Variants in FEZ1 observed in about 807,000 individuals in gnomAD.
FEZ1 encodes the protein fasciculation and elongation protein zeta-1.
Under a neutral mutation model 49.3 loss-of-function variants are expected in FEZ1, and 20 were observed. The ratio of observed to expected loss-of-function variants is 0.41; its 90% confidence interval spans 0.29 to 0.59. The LOEUF (loss-of-function observed/expected upper bound fraction) is 0.59, where lower values mean the gene tolerates loss of function less well. Among genes scored for constraint, FEZ1 ranks in the 20% least tolerant of loss-of-function variants. FEZ1 has a pLI of 0.36. For missense variants in FEZ1, 413 were observed against 476.0 expected, an observed-to-expected ratio of 0.87 and a Z score of 1.23; for synonymous variants, 170 against 180.9, an observed-to-expected ratio of 0.94 and a Z score of 0.48.
chr11:125,465,583 A>G (rs181651337), intron 3 of FEZ1, among the ~76,000 whole-genome samples: 1 of 152,210 alleles, frequency 6.6e-6, no homozygotes, highest in Admixed American at 6.5e-5. Context: ...GTGAGTTCCT[A>G]CTCTTATGGG....
At chr11:125,456,150 C>T in intron 5 of FEZ1, 44 bp from the exon 6 acceptor site, 10 of 1,526,320 alleles carry the variant, frequency 6.6e-6, no homozygotes, top group Non-Finnish European at 8.8e-6. Context: ...GCATCCACAC[C>T]AGAGCCCGCT....
chr11:125,463,493 T>C lies in FEZ1; in HGVS notation c.489A>G (p.Thr163=). 1 of 1,595,104 alleles carries C rather than the reference T, an allele frequency of 6.3e-7. No homozygotes were observed. The highest frequency in any genetic ancestry group is 8.6e-7 in the Non-Finnish European group (1 of 1,162,746). ...GGAGAGATACTTATACCTGATCTGCTGTGAGCAGAGGCTCCTCGTTGATAC... is the reference window on the plus strand; with the variant it reads ...GGAGAGATACTTATACCTGATCTGCCGTGAGCAGAGGCTCCTCGTTGATAC... ...DSGINEEPLL[T]ADQVIEEIEE... is the part of the protein sequence containing the mutation. The change falls in exon 4 of 10, where the codon ACA becomes ACG. Residue 163 remains threonine, a synonymous_variant. Transcript: ENST00000278919.
chr11:125,461,097 A>G (rs1957070001), intron 4 of FEZ1, among the ~76,000 whole-genome samples: 1 of 152,220 alleles, frequency 6.6e-6, no homozygotes, highest in Non-Finnish European at 1.5e-5. Context: ...AGAACAACAC[A>G]AAATGGGGAG....
chr11:125,470,076 C>T (rs1336403218), intron 3 of FEZ1, among the ~76,000 whole-genome samples: 3 of 151,906 alleles, frequency 2.0e-5, no homozygotes, highest in African/African-American at 4.8e-5. Flanking sequence ...TGAGAATAGC[C>T]CCCAACATGA....
chr11:125,464,997 C>T (rs1281700536), intron 3 of FEZ1, among the ~76,000 whole-genome samples: 1 of 152,158 alleles, frequency 6.6e-6, no homozygotes, highest in African/African-American at 2.4e-5. Context: ...TTTCTTCAGG[C>T]CAGAAAATCC....
At chr11:125,467,500 T>C (rs1160054772) in intron 3 of FEZ1, among the ~76,000 whole-genome samples, 1 of 152,222 alleles carries the variant, frequency 6.6e-6, no homozygotes, top group African/African-American at 2.4e-5. Context: ...AGAGCAGTAC[T>C]ATCATCTAGA....
chr11:125,449,767 A>C (rs914748923), intron 8 of FEZ1, among the ~76,000 whole-genome samples: 1 of 152,186 alleles, frequency 6.6e-6, no homozygotes, highest in Non-Finnish European at 1.5e-5. Context: ...TGGGATTGCC[A>C]CTTCATTTCG....
chr11:125,467,981 C>T (rs753189531), intron 3 of FEZ1, among the ~76,000 whole-genome samples: 3 of 152,066 alleles, frequency 2.0e-5, no homozygotes, highest in South Asian at 2.1e-4. Flanking sequence ...ATTGATGAAT[C>T]GAAAGCCCCA....
In FEZ1 at chr11:125,489,718, C is replaced by A; in HGVS notation, c.60G>T (p.Ser20=). ...EEFEDLRPSC[S]EDPEEKPQCF... is the part of the protein sequence containing the mutation. ...ACTGGGGCTTCTCCTCCGGGTCCTC[C>A]GAGCAGGAGGGTCGAAGGTCCTCAA... The change falls in exon 2 of 10, where the codon TCG becomes TCT. Residue 20 remains serine (S), a synonymous_variant. Coordinates refer to ENST00000278919, the MANE Select transcript of FEZ1 (RefSeq NM_005103.5). This position sits in a 1 kb window ranked among gnomAD's most constrained non-coding sequence, Gnocchi z 4.2. 1 of 1,605,238 alleles carries A rather than the reference C, an allele frequency of 6.2e-7. No homozygotes were observed. The highest frequency in any genetic ancestry group is 1.7e-5 in the Admixed American group (1 of 58,962).
intron 3 of FEZ1, among the ~76,000 whole-genome samples, chr11:125,478,373 C>T (rs955601738): frequency 5.9e-5 from 9 of 152,078 alleles, no homozygotes; most frequent in East Asian, 1.9e-4. Context: ...ACCTGGGAGG[C>T]GGAGGTTGCA....
chr11:125,481,792 T>C, intron 2 of FEZ1, 159 bp from the exon 3 acceptor site: 2 of 633,840 alleles, frequency 3.2e-6, no homozygotes, highest in Non-Finnish European at 5.7e-6. Context: ...AAAAACTGAA[T>C]CAGAGGCACA....
chr11:125,489,154 G>T lies in FEZ1; in HGVS notation c.311+313C>A, dbSNP rs998679459. The T allele has an allele frequency of 2.9e-6, 3 of 1,035,136 alleles. No individual in the cohort carries two copies. The highest frequency in any genetic ancestry group is 3.5e-6 in the Non-Finnish European group (3 of 863,578). The allele number at this position is 1,035,136 out of a possible 1,614,324, so 64.1% of individuals were successfully genotyped here. On this transcript the variant is annotated intron_variant, in intron 2 of 9. Transcript: ENST00000278919. This position sits in a 1 kb window ranked among gnomAD's most constrained non-coding sequence, Gnocchi z 4.2. ...TTCTGGCCTTTATTTCTAATATCTC[G>T]CTGGATTTCCACTGATATAAAGAAA...
chr11:125,454,000 G>T, intron 7 of FEZ1, 130 bp downstream of exon 7: 3 of 432,844 alleles, frequency 6.9e-6, no homozygotes, highest in Non-Finnish European at 1.2e-5. Flanking sequence ...GGAGAAAAAA[G>T]TGTTAGGACC....
chr11:125,469,455 T>C (rs973045387), intron 3 of FEZ1, among the ~76,000 whole-genome samples: 2 of 152,146 alleles, frequency 1.3e-5, no homozygotes, highest in Non-Finnish European at 2.9e-5. Context: ...GATGGGGAAC[T>C]TGCCATGTTT....
chr11:125,446,517 C>T (rs1394829212), intron 9 of FEZ1, among the ~76,000 whole-genome samples: 1 of 152,166 alleles, frequency 6.6e-6, no homozygotes, highest in Non-Finnish European at 1.5e-5. Context: ...GGGGTAAAGT[C>T]CAGCCCTCCG....
intron 3 of FEZ1, among the ~76,000 whole-genome samples, chr11:125,474,454 C>T (rs538790760): frequency 6.6e-6 from 1 of 152,218 alleles, no homozygotes; most frequent in South Asian, 2.1e-4. Flanking sequence ...AAGCTTGAGC[C>T]ACCACACTCA....
At chr11:125,453,371 G>A (rs768496677) in intron 7 of FEZ1, 6 of 152,158 alleles carry the variant, frequency 3.9e-5, no homozygotes, top group Admixed American at 2.0e-4. Context: ...GACTGGGATC[G>A]ATGCTGCTAA....
At chr11:125,452,768 T>C (rs1956969606) in intron 7 of FEZ1, 1 of 191,760 alleles carries the variant, frequency 5.2e-6, no homozygotes. Flanking sequence ...ATTGTTTGTC[T>C]TTTGTCAAAA....
chr11:125,446,500 C>CTCG (rs1255511824), intron 9 of FEZ1, among the ~76,000 whole-genome samples: 1 of 152,200 alleles, frequency 6.6e-6, no homozygotes, highest in East Asian at 1.9e-4. Context: ...AACTCAGTGG[C>CTCG]TCGTGAGGGG....
Sources: allele counts gnomAD v4.1 joint callset (sites outside exome capture counted in the v4.1 genomes callset), GRCh38; gene constraint gnomAD v4.1.1; non-coding constraint Gnocchi (gnomAD v3.1); transcripts MANE v1.5; gene names NCBI Gene and HGNC (gene_info 2026-07-23, HGNC 2026-07-21).